The following DLGAP2 variants were observed in gnomAD, a reference collection of about 807,000 sequenced individuals.
DLGAP2 encodes the protein DLG associated protein 2.
A neutral mutation model predicts 100.3 loss-of-function variants in DLGAP2; 26 were observed. That is an observed-to-expected ratio of 0.26 (90% CI 0.19 to 0.36). The LOEUF is 0.36. Ranked by LOEUF, DLGAP2 falls within the 10% of genes least tolerant of loss-of-function variation. The probability of loss-of-function intolerance (pLI) is 1.00; values close to 1 mark genes in which losing one functional copy is unlikely to be tolerated. For synonymous variants in DLGAP2, 886 were observed against 630.1 expected (o/e 1.41, Z -6.08); for missense variants, 1,858 against 1,453.2 (o/e 1.28, Z -4.53).
chr8:1,696,564 A>T (rs1465224675), intron 13 of DLGAP2, among the ~76,000 whole-genome samples: 3 of 152,206 alleles, frequency 2.0e-5, no homozygotes, highest in Non-Finnish European at 4.4e-5. Context: ...TGGGCAGAGA[A>T]ACCAAGCACG....
intron 1 of DLGAP2, among the ~76,000 whole-genome samples, chr8:818,955 A>T (rs2132682644): frequency 6.6e-6 from 1 of 152,318 alleles, no homozygotes; most frequent in South Asian, 2.1e-4. Flanking sequence ...ATTTTCATAG[A>T]TGTCTTTTTA....
At chr8:1,252,885 T>G (rs1799080426) in intron 2 of DLGAP2, among the ~76,000 whole-genome samples, 1 of 152,176 alleles carries the variant, frequency 6.6e-6, no homozygotes, top group African/African-American at 2.4e-5. Context: ...TCCCTGTGTC[T>G]CTTAGTCACT....
intron 1 of DLGAP2, among the ~76,000 whole-genome samples, chr8:788,250 A>T (rs576429775): frequency 6.6e-6 from 1 of 152,350 alleles, no homozygotes; most frequent in South Asian, 2.1e-4. Context: ...TTCTGTAGCC[A>T]AATGGCTGTT....
chr8:1,017,454 G>A (rs796264476), intron 2 of DLGAP2, among the ~76,000 whole-genome samples: 3 of 38,310 alleles, frequency 7.8e-5, no homozygotes, highest in African/African-American at 2.0e-4. Flanking sequence ...AGGACAGACG[G>A]TGCCTCCACT....
intron 1 of DLGAP2, among the ~76,000 whole-genome samples, chr8:800,636 G>C (rs889064584): frequency 1.4e-4 from 22 of 152,200 alleles, no homozygotes; most frequent in African/African-American, 5.1e-4. Context: ...ATATGTGTGT[G>C]CATGTCTATG....
intron 1 of DLGAP2, among the ~76,000 whole-genome samples, chr8:757,756 T>C (rs1820956732): frequency 6.6e-6 from 1 of 152,136 alleles, no homozygotes; most frequent in African/African-American, 2.4e-5. Context: ...ATCTAGAGGG[T>C]GTTGAAGTTG....
intron 2 of DLGAP2, among the ~76,000 whole-genome samples, chr8:965,459 A>G (rs1799835062): frequency 2.4e-5 from 2 of 84,798 alleles, no homozygotes; most frequent in African/African-American, 1.1e-4. Context: ...AGGGCTCCTG[A>G]GTCTGACCCC....
At chr8:1,620,844 C>T (rs918260148) in intron 6 of DLGAP2, among the ~76,000 whole-genome samples, 8 of 152,344 alleles carry the variant, frequency 5.3e-5, no homozygotes, top group Non-Finnish European at 4.4e-5. Flanking sequence ...CAGTACTTTT[C>T]TTTTGCCTGT....
At chr8:1,149,330 G>T (rs939194137) in intron 2 of DLGAP2, among the ~76,000 whole-genome samples, 1 of 151,974 alleles carries the variant, frequency 6.6e-6, no homozygotes, top group Non-Finnish European at 1.5e-5. Context: ...TGTATTTTTA[G>T]TAGAGGCGGA....
chr8:1,430,949 G>A (rs916962362), intron 3 of DLGAP2, among the ~76,000 whole-genome samples: 5 of 152,092 alleles, frequency 3.3e-5, no homozygotes, highest in African/African-American at 1.2e-4. Flanking sequence ...TGGGGTTCTG[G>A]GCAAGTCATT....
intron 3 of DLGAP2, among the ~76,000 whole-genome samples, chr8:1,278,298 A>C (rs1276172290): frequency 3.3e-5 from 5 of 152,204 alleles, no homozygotes; most frequent in Admixed American, 1.3e-4. Flanking sequence ...TCCAGTTGTA[A>C]GAACAGAATT....
At chr8:1,343,730 G>A (rs532631340) in intron 3 of DLGAP2, among the ~76,000 whole-genome samples, 12 of 152,048 alleles carry the variant, frequency 7.9e-5, no homozygotes, top group Admixed American at 3.9e-4. Context: ...TAGAGGCTCC[G>A]ATGTGCACGA....
intron 1 of DLGAP2, among the ~76,000 whole-genome samples, chr8:843,218 C>T (rs1797014060): frequency 6.6e-6 from 1 of 152,192 alleles, no homozygotes; most frequent in Admixed American, 6.5e-5. Flanking sequence ...TAGAGCTCTC[C>T]CTTCTGTCGT....
intron 2 of DLGAP2, among the ~76,000 whole-genome samples, chr8:987,166 A>C (rs1237483759): frequency 6.6e-6 from 1 of 152,052 alleles, no homozygotes; most frequent in Non-Finnish European, 1.5e-5. Context: ...CAGTGGTGCC[A>C]CCGGAGGTTG....
At chr8:1,375,287 C>T (rs1460943207) in intron 3 of DLGAP2, among the ~76,000 whole-genome samples, 2 of 65,024 alleles carry the variant, frequency 3.1e-5, no homozygotes, top group Non-Finnish European at 5.3e-5. Context: ...TTTGGGTTAA[C>T]GACACCTCTC....
chr8:1,675,726 T>C (rs959365019), intron 10 of DLGAP2, among the ~76,000 whole-genome samples: 1 of 152,156 alleles, frequency 6.6e-6, no homozygotes, highest in Admixed American at 6.5e-5. Flanking sequence ...TTTGATACAA[T>C]AGGTAATACT....
intron 2 of DLGAP2, among the ~76,000 whole-genome samples, chr8:987,050 AG>A (rs1356392513): frequency 1.3e-5 from 2 of 152,176 alleles, no homozygotes; most frequent in African/African-American, 4.8e-5. Context: ...TGGTGAAATC[AG>A]GTTCGAATTT....
chr8:1,339,707 C>T (rs889425197), intron 3 of DLGAP2, among the ~76,000 whole-genome samples: 19 of 152,278 alleles, frequency 1.2e-4, no homozygotes, highest in African/African-American at 3.4e-4. Flanking sequence ...GTCTCAGAGG[C>T]GAAGTCTCAC....
At chr8:1,319,655 G>A (rs1011294024) in intron 3 of DLGAP2, among the ~76,000 whole-genome samples, 1 of 152,204 alleles carries the variant, frequency 6.6e-6, no homozygotes, top group East Asian at 1.9e-4. Flanking sequence ...TGACTGGGGA[G>A]GGGCTCATGT....
Sources: allele counts gnomAD v4.1 joint callset (sites outside exome capture counted in the v4.1 genomes callset), GRCh38; gene constraint gnomAD v4.1.1; transcripts MANE v1.5; gene names NCBI Gene and HGNC (gene_info 2026-07-23, HGNC 2026-07-21).